GALNT2: variants seen among roughly 807,000 people sequenced by gnomAD.
GALNT2 encodes polypeptide N-acetylgalactosaminyltransferase 2, also known as UDP-GalNAc:polypeptide N-acetylgalactosaminyltransferase 2.
A neutral mutation model predicts 81.4 loss-of-function variants in GALNT2; 31 were observed. The observed-to-expected ratio is 0.38, with a 90% CI of 0.29 to 0.51. The LOEUF (loss-of-function observed/expected upper bound fraction) is 0.51. GALNT2 is among the 20% of genes least tolerant of loss of function. The pLI, the probability that GALNT2 is intolerant of heterozygous loss-of-function variation, is 0.87. For synonymous variants in GALNT2, 303 were observed against 287.4 expected, an observed-to-expected ratio of 1.05 and a Z score of -0.55; for missense variants, 629 against 765.7, an observed-to-expected ratio of 0.82 and a Z score of 2.11.
chr1:230,137,688 G>T (rs1193917082), intron 1 of GALNT2, among the ~76,000 whole-genome samples: 2 of 152,202 alleles, frequency 1.3e-5, no homozygotes, highest in African/African-American at 2.4e-5. Context: ...GTGGATGTTT[G>T]CCAGGCTTTC....
chr1:230,172,049 C>G (rs1367896511), intron 1 of GALNT2, among the ~76,000 whole-genome samples: 1 of 152,182 alleles, frequency 6.6e-6, no homozygotes, highest in African/African-American at 2.4e-5. Flanking sequence ...TATTATCCTC[C>G]TCTCAAAACT....
At chr1:230,148,982 A>G (rs1373236987) in intron 1 of GALNT2, among the ~76,000 whole-genome samples, 4 of 151,658 alleles carry the variant, frequency 2.6e-5, no homozygotes, top group African/African-American at 7.3e-5. Flanking sequence ...CTGGGCTCAA[A>G]TGATTCTCCT....
At chr1:230,128,470 C>T (rs539885925) in intron 1 of GALNT2, among the ~76,000 whole-genome samples, 1 of 152,218 alleles carries the variant, frequency 6.6e-6, no homozygotes, top group South Asian at 2.1e-4. Flanking sequence ...TTATTAAATT[C>T]AGTGGGCCAC....
chr1:230,198,611 A>G (rs1444772357), intron 2 of GALNT2, among the ~76,000 whole-genome samples: 2 of 152,138 alleles, frequency 1.3e-5, no homozygotes, highest in Non-Finnish European at 2.9e-5. Context: ...GGACCACCTG[A>G]GGGTTTGACT....
intron 1 of GALNT2, among the ~76,000 whole-genome samples, chr1:230,172,533 C>A (rs1333637126): frequency 1.3e-5 from 2 of 152,204 alleles, no homozygotes; most frequent in Non-Finnish European, 2.9e-5. Flanking sequence ...CCTTCTGGAT[C>A]CTTTTTGCCA....
chr1:230,217,775 C>CA lies in GALNT2; in HGVS notation c.374+14491dup, dbSNP rs570170206. 6.2e-3 allele frequency among the ~76,000 whole-genome samples: 945 copies of CA among 151,786 alleles called. 7 individuals carry two copies. Among genetic ancestry groups the CA allele is most frequent in the Non-Finnish European group, 8.7e-3 (588 of 67,854 alleles). ...CCTCACATGGCAGAAGGCAGAAAGGCAAAAAAGGGACAAACTCCCTTCATT... is the reference window on the plus strand; with the variant it reads ...CCTCACATGGCAGAAGGCAGAAAGGCAAAAAAAGGGACAAACTCCCTTCATT... On this transcript the variant is annotated intron_variant, in intron 3 of 15. Transcript: ENST00000366672.
At chr1:230,071,788 G>A (rs945888409) in intron 1 of GALNT2, among the ~76,000 whole-genome samples, 2 of 152,152 alleles carry the variant, frequency 1.3e-5, no homozygotes, top group African/African-American at 2.4e-5. Flanking sequence ...ATCCGACAGT[G>A]GCACTGTAAC....
chr1:230,087,466 C>G (rs889204178), intron 1 of GALNT2, among the ~76,000 whole-genome samples: 4 of 152,208 alleles, frequency 2.6e-5, no homozygotes, highest in Non-Finnish European at 4.4e-5. Context: ...TGCCTTTACT[C>G]CCCCATAACT....
intron 12 of GALNT2, 76 bp downstream of exon 12, chr1:230,262,741 C>T: frequency 6.9e-7 from 1 of 1,449,574 alleles, no homozygotes; most frequent in Non-Finnish European, 9.7e-7. Context: ...GGGCTGCCCC[C>T]AGCGTTGAAT....
chr1:230,243,234 G>C lies in GALNT2; in HGVS notation c.608-72G>C. ...GCAGAGCTGCGGGCAGGGAGGCGTC[G>C]CCGGTTGGCATGGGGTTGTGCTGGC... On this transcript the variant is annotated intron_variant, in intron 6 of 15. Transcript: ENST00000366672. This position sits in a 1 kb window ranked among gnomAD's most constrained non-coding sequence, Gnocchi z 4.2. 6.7e-7 allele frequency: 1 copy of C among 1,494,458 alleles called. No individual in the cohort carries two copies. Among genetic ancestry groups the C allele is most frequent in the East Asian group, 2.4e-5 (1 of 40,868 alleles). 92.6% of individuals were successfully genotyped at this position (1,494,458 alleles called of 1,614,324 possible).
At chr1:230,228,232 A>G (rs773286177) in intron 3 of GALNT2, among the ~76,000 whole-genome samples, 23 of 152,210 alleles carry the variant, frequency 1.5e-4, no homozygotes, top group Non-Finnish European at 2.4e-4. Context: ...ATTTCCTTCA[A>G]ATTAACTCAT....
intron 1 of GALNT2, among the ~76,000 whole-genome samples, chr1:230,060,833 C>CAT: frequency 6.6e-6 from 1 of 152,222 alleles, no homozygotes; most frequent in East Asian, 1.9e-4. Context: ...TATTTTGATG[C>CAT]ATATATGGTC....
chr1:230,118,568 G>C (rs1332569753), intron 1 of GALNT2, among the ~76,000 whole-genome samples: 1 of 152,230 alleles, frequency 6.6e-6, no homozygotes. Flanking sequence ...GGTCACCAGA[G>C]TCCCTGTAGG....
intron 1 of GALNT2, among the ~76,000 whole-genome samples, chr1:230,168,187 G>A (rs189687580): frequency 2.0e-5 from 1 of 51,188 alleles, no homozygotes; most frequent in African/African-American, 3.3e-5. Context: ...AGTGTCGGGC[G>A]CTCAGCTAAC....
chr1:230,203,088 A>C, intron 2 of GALNT2, 49 bp from the exon 3 acceptor site: 1 of 1,575,866 alleles, frequency 6.3e-7, no homozygotes, highest in Non-Finnish European at 8.7e-7. Context: ...TGTGATGAGC[A>C]CTTGGTCACA....
intron 1 of GALNT2, among the ~76,000 whole-genome samples, chr1:230,138,223 A>G (rs1040270054): frequency 1.3e-5 from 2 of 152,168 alleles, no homozygotes; most frequent in African/African-American, 4.8e-5. Flanking sequence ...AAGCGAGTTT[A>G]TTAAGAAAAT....
chr1:230,176,696 C>G (rs1662990730), intron 1 of GALNT2, among the ~76,000 whole-genome samples: 1 of 152,088 alleles, frequency 6.6e-6, no homozygotes, highest in Non-Finnish European at 1.5e-5. Context: ...AAAATCAGTG[C>G]CAGTAGTAAA....
chr1:230,263,490 C>T (rs1308880321), intron 13 of GALNT2: 1 of 156,954 alleles, frequency 6.4e-6, no homozygotes, highest in African/African-American at 2.4e-5. Context: ...AGGCTCCCTC[C>T]TCCCAGCTAG....
intron 1 of GALNT2, among the ~76,000 whole-genome samples, chr1:230,163,426 T>G (rs1295534304): frequency 1.3e-5 from 2 of 152,232 alleles, no homozygotes; most frequent in African/African-American, 4.8e-5. Flanking sequence ...CTCTCATGCT[T>G]TAGCGTTTCC....
Sources: allele counts gnomAD v4.1 joint callset (sites outside exome capture counted in the v4.1 genomes callset), GRCh38; gene constraint gnomAD v4.1.1; non-coding constraint Gnocchi (gnomAD v3.1); transcripts MANE v1.5; gene names NCBI Gene and HGNC (gene_info 2026-07-23, HGNC 2026-07-21).